Variants in BROX observed in about 807,000 individuals in gnomAD.
BROX encodes BRO1 domain-containing protein BROX.
BROX carries 53 observed loss-of-function variants against 61.0 expected under a neutral mutation model. The ratio of observed to expected loss-of-function variants is 0.87; its 90% CI spans 0.70 to 1.09. The LOEUF (loss-of-function observed/expected upper bound fraction) is 1.09, where lower values mean the gene tolerates loss of function less well. Ranked by LOEUF, BROX falls within the 50% of genes least tolerant of loss-of-function variation. The pLI, the probability that BROX is intolerant of heterozygous loss-of-function variation, is 0.00. For synonymous variants in BROX, 152 were observed against 160.2 expected (o/e 0.95, Z 0.38); for missense variants, 489 against 472.0 (o/e 1.04, Z -0.33).
At position 222,731,364 on chromosome 1, in the gene BROX, CA is replaced by C; in HGVS notation, c.1003del (p.Ile335PhefsTer17). 6.4e-7 allele frequency: 1 copy of C among 1,560,384 alleles called. No individual in the cohort carries two copies. The highest frequency in any genetic ancestry group is 8.6e-7 in the Non-Finnish European group (1 of 1,163,926). ...CQRENGFIYF[Q>X]KIPTEAPQLE... ...TTAAATTATTTTTTGCAGTTACTTT[CA>C]AAAAATTCCAACAGAAGCCCCACAG... On this transcript the variant is annotated frameshift_variant, in exon 12 of 13. Transcript: ENST00000340934. LOFTEE classifies it high-confidence loss of function.
intron 3 of BROX, 102 bp from the exon 4 acceptor site, chr1:222,719,161 C>A: frequency 8.0e-7 from 1 of 1,242,746 alleles, no homozygotes; most frequent in Non-Finnish European, 1.2e-6. Flanking sequence ...CAAGAAGTTT[C>A]ATTCAGACAC....
rs1261377461 is a variant in BROX, at chr1:222,733,941, G to C, written c.*1227G>C. 6 of 152,196 alleles carry C rather than the reference G, an allele frequency of 3.9e-5. No individual in the cohort carries two copies. The highest frequency in any genetic ancestry group is 8.8e-5 in the Non-Finnish European group (6 of 68,032). 9.4% of individuals were successfully genotyped at this position (152,196 alleles called of 1,614,324 possible). On this transcript the variant is annotated 3_prime_UTR_variant, in exon 13 of 13. Transcript: ENST00000340934. ...TTCTTTATTAAAGAAGTTATAGTAAGATGCCTTTGTTACCTGATTTCAGTG... is the reference window on the plus strand; with the variant it reads ...TTCTTTATTAAAGAAGTTATAGTAACATGCCTTTGTTACCTGATTTCAGTG...
intron 4 of BROX, among the ~76,000 whole-genome samples, chr1:222,721,146 A>G (rs900492668): frequency 6.6e-6 from 1 of 152,232 alleles, no homozygotes; most frequent in Non-Finnish European, 1.5e-5. Context: ...CCAAACTGTT[A>G]TATTATTTAA....
At chr1:222,727,088 T>C (rs1209514066) in intron 7 of BROX, 80 bp from the exon 8 acceptor site, 2 of 959,668 alleles carry the variant, frequency 2.1e-6, no homozygotes, top group Non-Finnish European at 3.3e-6. Flanking sequence ...ATTATCAGAC[T>C]GTCTTTTGCT....
In BROX at chr1:222,712,751, C is replaced by G; in HGVS notation, c.-208C>G. The G allele has an allele frequency of 7.8e-7, 1 of 1,290,000 alleles. No homozygotes were observed. Among genetic ancestry groups the G allele is most frequent in the Non-Finnish European group, 1.0e-6 (1 of 989,270 alleles). The allele number at this position is 1,290,000 out of a possible 1,614,324, so 79.9% of individuals were successfully genotyped here. On this transcript the variant is annotated 5_prime_UTR_variant, in exon 1 of 13. Transcript: ENST00000340934. ...CGCCGCGGCAATACCCGCCCCTGAG[C>G]TGCGCGCACTACCGCCTCGGTAGCT...
rs1657319413 is a variant in BROX, at chr1:222,724,145, G to A, written c.455G>A (p.Gly152Glu). 1 of 1,610,632 alleles carries A rather than the reference G, an allele frequency of 6.2e-7. No individual in the cohort carries two copies. The highest frequency in any genetic ancestry group is 1.1e-5 in the South Asian group (1 of 90,232). Residue 152 changes from glycine to glutamate, a missense_variant, in exon 6 of 13, where the codon GGG (glycine) becomes GAG (glutamate). Gly to Glu is a moderately conservative substitution (Grantham distance 98). Coordinates refer to ENST00000340934, the MANE Select transcript of BROX (RefSeq NM_144695.4). ...EVHRSLKIAA[G>E]IFKHLKESHL... ...CATCGAAGCCTAAAGATTGCAGCTG[G>A]GATTTTTAAACATTTAAAGGTAAAA...
chr1:222,719,364 G>A lies in BROX; in HGVS notation c.305+5G>A, dbSNP rs376986165. 21 of 1,585,050 alleles carry A rather than the reference G, an allele frequency of 1.3e-5. No homozygotes were observed. Among genetic ancestry groups the A allele is most frequent in the Non-Finnish European group, 1.6e-5 (19 of 1,154,360 alleles). ...ATTGCAAGGACAGGTTCCAAGGTAAGCAACACTAAAGTAATACTAAATTGG... is the reference window on the plus strand; with the variant it reads ...ATTGCAAGGACAGGTTCCAAGGTAAACAACACTAAAGTAATACTAAATTGG... On this transcript the variant is annotated splice_donor_5th_base_variant and intron_variant, in intron 4 of 12. Transcript: ENST00000340934.
At chr1:222,728,967 G>C in intron 9 of BROX, 139 bp downstream of exon 9, 3 of 547,862 alleles carry the variant, frequency 5.5e-6, no homozygotes, top group Non-Finnish European at 9.4e-6. Flanking sequence ...TGTTCACTGA[G>C]AGTCAGTGCA....
intron 4 of BROX, among the ~76,000 whole-genome samples, chr1:222,722,069 T>C (rs1231682278): frequency 6.6e-6 from 1 of 152,228 alleles, no homozygotes; most frequent in Non-Finnish European, 1.5e-5. Context: ...GAGAATCGAC[T>C]GAGTACTTGT....
At chr1:222,726,717 CAA>C (rs113885916) in intron 7 of BROX, among the ~76,000 whole-genome samples, 39 of 132,412 alleles carry the variant, frequency 2.9e-4, no homozygotes, top group African/African-American at 3.9e-4. Flanking sequence ...AACTCCATCT[CAA>C]AAAAAAAAAA....
chr1:222,727,879 T>C (rs1657625291), intron 8 of BROX, among the ~76,000 whole-genome samples: 2 of 152,144 alleles, frequency 1.3e-5, no homozygotes, highest in African/African-American at 4.8e-5. Flanking sequence ...GAAGTGTAAA[T>C]AAAAGTCTTA....
chr1:222,724,132 A>C lies in BROX; in HGVS notation c.442A>C (p.Lys148Gln), dbSNP rs765420900. 1.5e-5 allele frequency: 24 copies of C among 1,612,242 alleles called. No individual in the cohort carries two copies. Among genetic ancestry groups the C allele is most frequent in the Non-Finnish European group, 2.0e-5 (23 of 1,179,280 alleles). ...DEAKEVHRSL[K>Q]IAAGIFKHLK... ...AGCAAAAGAAGTTCATCGAAGCCTA[A>C]AGATTGCAGCTGGGATTTTTAAACA... Residue 148 changes from lysine (K) to glutamine (Q), a missense_variant, in exon 6 of 13, where the codon AAG becomes CAG. Lys to Gln is a moderately conservative substitution (Grantham distance 53, BLOSUM62 1). Transcript: ENST00000340934.
chr1:222,734,987 A>G lies in BROX; in HGVS notation c.*2273A>G, dbSNP rs1221381554. On this transcript the variant is annotated 3_prime_UTR_variant, in exon 13 of 13. Coordinates refer to ENST00000340934, the MANE Select transcript of BROX (RefSeq NM_144695.4). Reference sequence around the variant, plus strand: ...TTGTGACTAAAGTATCCCATTATATATAATGTTTTTTGAAATGTTGGAAAT... The same window carrying G: ...TTGTGACTAAAGTATCCCATTATATGTAATGTTTTTTGAAATGTTGGAAAT... The G allele has an allele frequency of 6.6e-6, 1 of 152,194 alleles. No homozygotes were observed. The highest frequency in any genetic ancestry group is 2.4e-5 in the African/African-American group (1 of 41,438). The allele number at this position is 152,194 out of a possible 1,614,324, so 9.4% of individuals were successfully genotyped here. A position where few individuals can be genotyped will look rare whatever the true frequency, so the allele number is the denominator to read the frequency against.
At chr1:222,726,083 T>G (rs541385515) in intron 7 of BROX, among the ~76,000 whole-genome samples, 1 of 152,382 alleles carries the variant, frequency 6.6e-6, no homozygotes, top group Non-Finnish European at 1.5e-5. Flanking sequence ...TATTTCATGT[T>G]ATTTCTGATA....
At chr1:222,718,670 A>G (rs1307579300) in intron 2 of BROX, among the ~76,000 whole-genome samples, 2 of 152,096 alleles carry the variant, frequency 1.3e-5, no homozygotes, top group Non-Finnish European at 2.9e-5. Flanking sequence ...GTCTGAGTTT[A>G]TTTTACTACA....
chr1:222,715,691 C>A lies in BROX; in HGVS notation c.-9C>A, dbSNP rs1268059130. 2.1e-6 allele frequency: 3 copies of A among 1,457,388 alleles called. No individual in the cohort carries two copies. The highest frequency in any genetic ancestry group is 2.7e-6 in the Non-Finnish European group (3 of 1,098,992). 90.3% of individuals were successfully genotyped at this position (1,457,388 alleles called of 1,614,324 possible). ...TTACTTTTTTGTCTATAGAAAACAT[C>A]TGGAGAAAATGACCCATTGGTTTCA... is the stretch of plus-strand genomic sequence containing the variant. On this transcript the variant is annotated 5_prime_UTR_variant, in exon 2 of 13. It adds an upstream start codon to the 5' untranslated region. Coordinates refer to ENST00000340934, the MANE Select transcript of BROX (RefSeq NM_144695.4).
In BROX at chr1:222,731,505, A is replaced by G; in HGVS notation, c.1138A>G (p.Lys380Glu). 6.3e-7 allele frequency: 1 copy of G among 1,588,414 alleles called. No homozygotes were observed. Among genetic ancestry groups the G allele is most frequent in the Non-Finnish European group, 8.5e-7 (1 of 1,173,492 alleles). The change falls in exon 12 of 13, where the codon AAG (lysine) becomes GAG (glutamate). Residue 380 changes from lysine to glutamate, a missense_variant. Physicochemically the swap from Lys to Glu is moderately conservative, Grantham distance 56. Coordinates refer to ENST00000340934, the MANE Select transcript of BROX (RefSeq NM_144695.4). The stretch of plus-strand genomic sequence containing the variant: ...TGCATTTGATCTCACCAAAAGACCC[A>G]AGGATGACAGTGTATGAGATTGTTT... ...LAAFDLTKRP[K>E]DDSTKPKPEE...
At position 222,733,063 on chromosome 1, in the gene BROX, C is replaced by CTTTTTTTTTTTTTCTTTTTTTTTTTTTT. The variant is rs796814438; in HGVS notation, c.*361_*362insTCTTTTTTTTTTTTTTTTTTTTTTTTTT. The CTTTTTTTTTTTTTCTTTTTTTTTTTTTT allele has an allele frequency of 9.5e-6, 1 of 104,886 alleles. No homozygotes were observed. The highest frequency in any genetic ancestry group is 1.0e-4 in the Admixed American group (1 of 9,766). 6.5% of individuals were successfully genotyped at this position (104,886 alleles called of 1,614,324 possible). A position where few individuals can be genotyped will look rare whatever the true frequency, so the allele number is the denominator to read the frequency against. ...AGGTATGTTTTTCTTTTTTCTTTTT[C>CTTTTTTTTTTTTTCTTTTTTTTTTTTTT]TTTTTTTTTTTTCTTTTTTTTTTTT... On this transcript the variant is annotated 3_prime_UTR_variant, in exon 13 of 13. Coordinates refer to ENST00000340934, the MANE Select transcript of BROX (RefSeq NM_144695.4).
In BROX at chr1:222,733,163, C is replaced by T. The variant is rs1658078875; in HGVS notation, c.*449C>T. ...GGCATGATCTCGGCTCACTGCAACC[C>T]TCCACCTCCTGAATTAAAGTGATTC... is the stretch of plus-strand genomic sequence containing the variant. On this transcript the variant is annotated 3_prime_UTR_variant, in exon 13 of 13. Transcript: ENST00000340934. 6.7e-6 allele frequency: 1 copy of T among 149,766 alleles called. No homozygotes were observed. Among genetic ancestry groups the T allele is most frequent in the African/African-American group, 2.5e-5 (1 of 40,324 alleles). 9.3% of individuals were successfully genotyped at this position (149,766 alleles called of 1,614,324 possible). A position where few individuals can be genotyped will look rare whatever the true frequency, so the allele number is the denominator to read the frequency against.
Sources: allele counts gnomAD v4.1 joint callset (sites outside exome capture counted in the v4.1 genomes callset), GRCh38; gene constraint gnomAD v4.1.1; transcripts MANE v1.5; gene names NCBI Gene and HGNC (gene_info 2026-07-23, HGNC 2026-07-21).